CSMD1: variants seen among roughly 807,000 people sequenced by gnomAD.
CSMD1 encodes CUB and sushi domain-containing protein 1.
A neutral mutation model predicts 417.5 loss-of-function variants in CSMD1; 213 were observed. The observed-to-expected ratio is 0.51, with a 90% CI of 0.46 to 0.57. The LOEUF (loss-of-function observed/expected upper bound fraction) is 0.57, where lower values mean the gene tolerates loss of function less well. Among genes scored for constraint, CSMD1 ranks in the 20% least tolerant of loss-of-function variants. The pLI is 0.00. For synonymous variants in CSMD1, 2,862 were observed against 1,736.8 expected (o/e 1.65, Z -16.11); for missense variants, 6,923 against 4,529.7 (o/e 1.53, Z -15.17).
At chr8:4,825,346 G>A (rs1004492604) in intron 1 of CSMD1, among the ~76,000 whole-genome samples, 4 of 152,092 alleles carry the variant, frequency 2.6e-5, no homozygotes, top group Admixed American at 2.6e-4. Flanking sequence ...CTTGTGTGCG[G>A]TAAGAACACT....
chr8:2,954,176 C>T lies in CSMD1; in HGVS notation c.10039+48G>A, dbSNP rs371767498. The T allele has an allele frequency of 1.5e-4, 168 of 1,132,026 alleles. No individual in the cohort carries two copies. In the African/African-American group the frequency reaches 2.2e-3, roughly 15 times the overall value. 70.1% of individuals were successfully genotyped at this position (1,132,026 alleles called of 1,614,324 possible). On this transcript the variant is annotated intron_variant, in intron 65 of 69. Coordinates refer to ENST00000635120, the MANE Select transcript of CSMD1 (RefSeq NM_033225.6). The stretch of plus-strand genomic sequence containing the variant: ...TAGTTTCACTGTGCAGAGTAGAGAA[C>T]AAATCACTTTATTGGATTGAAATCT...
chr8:4,453,900 C>A (rs904176129), intron 2 of CSMD1, among the ~76,000 whole-genome samples: 1 of 142,394 alleles, frequency 7.0e-6, no homozygotes. Flanking sequence ...CGGCTCACTG[C>A]CAGCTCCGCC....
chr8:4,533,002 C>T (rs912061401), intron 2 of CSMD1, among the ~76,000 whole-genome samples: 1 of 152,170 alleles, frequency 6.6e-6, no homozygotes, highest in African/African-American at 2.4e-5. Context: ...AAATCCTGCA[C>T]CCCTACTCAC....
At chr8:3,799,666 G>C (rs1170434016) in intron 5 of CSMD1, among the ~76,000 whole-genome samples, 1 of 151,860 alleles carries the variant, frequency 6.6e-6, no homozygotes, top group Admixed American at 6.6e-5. Flanking sequence ...ATGTATTTGA[G>C]GCAAATTTTG....
intron 2 of CSMD1, among the ~76,000 whole-genome samples, chr8:4,630,123 C>G (rs1802421122): frequency 1.3e-5 from 2 of 152,180 alleles, no homozygotes; most frequent in Admixed American, 6.5e-5. Flanking sequence ...AGGTAGTTGT[C>G]TGAATTCACA....
Position 2,951,201 on chromosome 8 carries a change from T to C in CSMD1, c.10114A>G (p.Thr3372Ala), listed in dbSNP as rs1802606077. 1 of 1,612,522 alleles carries C rather than the reference T, an allele frequency of 6.2e-7. No homozygotes were observed. The highest frequency in any genetic ancestry group is 8.5e-7 in the Non-Finnish European group (1 of 1,179,264). The part of the protein sequence containing the change: ...YEYLGKRQPA[T>A]LTVDWFNATS... ...GCATTGAACCAGTCAACAGTTAGAG[T>C]GGCGGGTTGTCTTTTCCCTAAATAT... Residue 3372 changes from threonine (T) to alanine (A), a missense_variant, in exon 66 of 70, where the codon ACT becomes GCT. Thr to Ala is a moderately conservative substitution (Grantham distance 58). Transcript: ENST00000635120.
intron 1 of CSMD1, among the ~76,000 whole-genome samples, chr8:4,785,334 G>C (rs1797349041): frequency 6.6e-6 from 1 of 152,176 alleles, no homozygotes; most frequent in Non-Finnish European, 1.5e-5. Flanking sequence ...GGAAGACTTT[G>C]CTCTTAGGCT....
intron 3 of CSMD1, among the ~76,000 whole-genome samples, chr8:4,112,211 C>T (rs146754472): frequency 2.0e-5 from 3 of 152,098 alleles, no homozygotes; most frequent in Admixed American, 6.6e-5. Context: ...ACCAGTAACA[C>T]CTCTTTCAGG....
At chr8:4,905,348 C>T (rs927793779) in intron 1 of CSMD1, among the ~76,000 whole-genome samples, 1 of 151,636 alleles carries the variant, frequency 6.6e-6, no homozygotes, top group East Asian at 1.9e-4. Context: ...ACCATTTCTT[C>T]TCATTAGACT....
chr8:4,228,837 G>T (rs1489374690), intron 3 of CSMD1, among the ~76,000 whole-genome samples: 1 of 151,806 alleles, frequency 6.6e-6, no homozygotes, highest in East Asian at 1.9e-4. Flanking sequence ...GTGCACCACT[G>T]TGCCCAGCTA....
intron 41 of CSMD1, among the ~76,000 whole-genome samples, chr8:3,138,165 G>A (rs1007806209): frequency 6.6e-6 from 1 of 152,224 alleles, no homozygotes; most frequent in Non-Finnish European, 1.5e-5. Context: ...GGCAGAGGGT[G>A]CAGTGAGCTG....
rs919387645 is a variant in CSMD1 at position 4,442,949 on chromosome 8, C to G, written c.303-22884G>C. 1.2e-4 allele frequency among the ~76,000 whole-genome samples: 19 copies of G among 152,070 alleles called. 1 individual carries two copies. Among genetic ancestry groups the G allele is most frequent in the African/African-American group, 4.3e-4 (18 of 41,414 alleles). On this transcript the variant is annotated intron_variant, in intron 2 of 69. Transcript: ENST00000635120. Reference sequence around the variant, plus strand: ...ATATTTGTCCCTCAACGTAATGTATCTACAGCACCACAGGTATCTCCAAAA... The same window carrying G: ...ATATTTGTCCCTCAACGTAATGTATGTACAGCACCACAGGTATCTCCAAAA...
intron 32 of CSMD1, 108 bp from the exon 33 acceptor site, chr8:3,199,917 T>C: frequency 1.6e-6 from 1 of 626,266 alleles, no homozygotes; most frequent in Non-Finnish European, 2.8e-6. Flanking sequence ...TTTTTTGAAC[T>C]TTTAAAACAT....
chr8:3,584,963 A>G (rs1368968443), intron 9 of CSMD1, among the ~76,000 whole-genome samples: 3 of 152,156 alleles, frequency 2.0e-5, no homozygotes, highest in Non-Finnish European at 4.4e-5. Context: ...CTAGTGACAA[A>G]AAGAAGGGGA....
chr8:4,044,918 A>T (rs909168220), intron 3 of CSMD1, among the ~76,000 whole-genome samples: 2 of 143,408 alleles, frequency 1.4e-5, no homozygotes, highest in Non-Finnish European at 3.1e-5. Flanking sequence ...AAAAAGTTAA[A>T]TTTAAAAAAA....
chr8:3,616,994 G>C (rs985468297), intron 7 of CSMD1, among the ~76,000 whole-genome samples, 197 bp from the exon 8 acceptor site: 6 of 152,154 alleles, frequency 3.9e-5, no homozygotes, highest in African/African-American at 1.4e-4. Flanking sequence ...GTGTTTTCCA[G>C]TGAAAGGATG....
At chr8:3,836,990 T>A (rs1802751846) in intron 5 of CSMD1, among the ~76,000 whole-genome samples, 1 of 152,110 alleles carries the variant, frequency 6.6e-6, no homozygotes, top group South Asian at 2.1e-4. Flanking sequence ...CTAAGATCCT[T>A]AATTAGCTAC....
Position 4,116,859 on chromosome 8 carries a change from T to G in CSMD1, c.416-84760A>C, listed in dbSNP as rs148640743. 2.0e-5 allele frequency among the ~76,000 whole-genome samples: 3 copies of G among 152,092 alleles called. No individual in the cohort carries two copies. In the East Asian group the frequency reaches 5.8e-4, roughly 29 times the overall value. On this transcript the variant is annotated intron_variant, in intron 3 of 69. Coordinates refer to ENST00000635120, the MANE Select transcript of CSMD1 (RefSeq NM_033225.6). ...AAAACAAAAAGCACCTGGCATTTAC[T>G]GTACAATGTGCCAGAAAAAGAATAA...
At chr8:4,225,861 C>G (rs566067430) in intron 3 of CSMD1, among the ~76,000 whole-genome samples, 4 of 152,028 alleles carry the variant, frequency 2.6e-5, no homozygotes, top group Non-Finnish European at 5.9e-5. Flanking sequence ...AAAGTTTTAA[C>G]TGTGCATATA....
Sources: allele counts gnomAD v4.1 joint callset (sites outside exome capture counted in the v4.1 genomes callset), GRCh38; gene constraint gnomAD v4.1.1; transcripts MANE v1.5; gene names NCBI Gene and HGNC (gene_info 2026-07-23, HGNC 2026-07-21).